Variants in PIR observed in about 807,000 individuals in gnomAD.
PIR encodes pirin (iron-binding nuclear protein).
Under a neutral mutation model 24.2 loss-of-function variants are expected in PIR, and 22 were observed. The ratio of observed to expected loss-of-function variants is 0.91; its 90% CI spans 0.65 to 1.30. The LOEUF (loss-of-function observed/expected upper bound fraction) is 1.30, where lower values mean the gene tolerates loss of function less well. PIR is among the 50% of genes most tolerant of loss of function. PIR has a pLI of 0.00. For missense variants in PIR, 220 were observed against 220.3 expected (o/e 1.00, Z 0.01); for synonymous variants, 80 against 79.6 (o/e 1.00, Z -0.03).
At chrX:15,434,716 T>TG (rs1232791658) in intron 5 of PIR, among the ~76,000 whole-genome samples, 5 of 106,487 alleles carry the variant, frequency 4.7e-5, no homozygotes, top group African/African-American at 1.0e-4. Flanking sequence ...AGAGGTTTGT[T>TG]TTTTTTTTTT....
intron 5 of PIR, among the ~76,000 whole-genome samples, chrX:15,429,006 G>A (rs991686335): frequency 2.7e-5 from 3 of 111,976 alleles, no homozygotes; most frequent in African/African-American, 9.7e-5. Flanking sequence ...TAGAGCTAAA[G>A]AGAAGTGAGA....
At chrX:15,464,739 G>C (rs1431500364) in intron 3 of PIR, among the ~76,000 whole-genome samples, 1 of 112,441 alleles carries the variant, frequency 8.9e-6, no homozygotes. Context: ...ACTATAAGGA[G>C]TGGTGTCTAG....
chrX:15,450,140 C>T (rs1453563225), intron 5 of PIR, among the ~76,000 whole-genome samples: 2 of 111,754 alleles, frequency 1.8e-5, no homozygotes, highest in Non-Finnish European at 1.9e-5. Flanking sequence ...TCCCTGCTAC[C>T]CTCACCCCAA....
At chrX:15,456,156 T>C in intron 4 of PIR, 102 bp from the exon 5 acceptor site, 1 of 678,154 alleles carries the variant, frequency 1.5e-6, no homozygotes, top group Non-Finnish European at 2.3e-6. Flanking sequence ...ATCTTACCAG[T>C]GCTGCTATCA....
chrX:15,438,966 G>A (rs1925832763), intron 5 of PIR, among the ~76,000 whole-genome samples: 1 of 111,757 alleles, frequency 8.9e-6, no homozygotes, highest in South Asian at 3.7e-4. Context: ...GACCAAAGAG[G>A]AATGGAAGAT....
chrX:15,434,741 G>A (rs1439619424), intron 5 of PIR, among the ~76,000 whole-genome samples: 1 of 108,492 alleles, frequency 9.2e-6, no homozygotes, highest in Admixed American at 9.9e-5. Context: ...ATAAAGTAAG[G>A]TTATTATCTC....
chrX:15,394,560 T>A (rs1445746520), intron 8 of PIR, among the ~76,000 whole-genome samples: 1 of 111,496 alleles, frequency 9.0e-6, no homozygotes, highest in Non-Finnish European at 1.9e-5. Flanking sequence ...CTCAATAGTA[T>A]ACCACTATAA....
chrX:15,442,360 A>G (rs974227593), intron 5 of PIR, among the ~76,000 whole-genome samples: 2 of 111,381 alleles, frequency 1.8e-5, no homozygotes, highest in Non-Finnish European at 3.8e-5. Context: ...GCCGTTCTCC[A>G]TCTCTCTCCC....
chrX:15,433,737 G>A (rs1602266189), intron 5 of PIR, among the ~76,000 whole-genome samples: 1 of 18,610 alleles, frequency 5.4e-5, no homozygotes, highest in African/African-American at 2.3e-4. Context: ...GAGAAAGAAG[G>A]AGGAGGAGGA....
chrX:15,432,024 T>C (rs888031917), intron 5 of PIR, among the ~76,000 whole-genome samples: 1 of 110,667 alleles, frequency 9.0e-6, no homozygotes, highest in African/African-American at 3.3e-5. Flanking sequence ...ATTATTATTA[T>C]TAATTTTAAA....
intron 9 of PIR, among the ~76,000 whole-genome samples, chrX:15,386,036 G>C (rs1923737660): frequency 8.9e-6 from 1 of 111,794 alleles, no homozygotes; most frequent in African/African-American, 3.3e-5. Context: ...TCTGCTAGAT[G>C]AACAAGGCCA....
intron 2 of PIR, among the ~76,000 whole-genome samples, chrX:15,490,210 T>TA (rs887583366): frequency 1.8e-5 from 2 of 111,751 alleles, no homozygotes; most frequent in African/African-American, 6.5e-5. Flanking sequence ...AAAACATAAC[T>TA]AAAAAAATTG....
chrX:15,458,208 T>A (rs1204313575), intron 4 of PIR, among the ~76,000 whole-genome samples: 1 of 112,138 alleles, frequency 8.9e-6, no homozygotes, highest in Non-Finnish European at 1.9e-5. Flanking sequence ...AAATGGCCTA[T>A]ATATTGGATC....
intron 3 of PIR, among the ~76,000 whole-genome samples, chrX:15,469,832 C>A (rs948745119): frequency 9.0e-6 from 1 of 111,245 alleles, no homozygotes; most frequent in African/African-American, 3.3e-5. Context: ...CCTCATTATA[C>A]TGGAAGTTCA....
chrX:15,475,982 T>C lies in PIR; in HGVS notation c.189+3747A>G, dbSNP rs182054743. Among the ~76,000 whole-genome samples, 4 of 112,399 alleles carry C rather than the reference T, an allele frequency of 3.6e-5. No homozygotes were observed. The East Asian group carries it at 1.1e-3, about 31-fold the overall frequency. On this transcript the variant is annotated intron_variant, in intron 3 of 9. Coordinates refer to ENST00000380420, the MANE Select transcript of PIR (RefSeq NM_001018109.3). ...GTTAAGTTTAAAAATGGCTTAGCCA[T>C]TAACCCAGTAAAATTGGGTTCTCTC... is the stretch of plus-strand genomic sequence containing the variant.
intron 5 of PIR, chrX:15,429,834 C>A (rs968445261): frequency 1.9e-5 from 2 of 106,815 alleles, no homozygotes; most frequent in Admixed American, 1.0e-4. Context: ...CCAGCCTGGG[C>A]GGAAGAGCGA....
chrX:15,419,407 GGGGA>G (rs1325457045), intron 6 of PIR, among the ~76,000 whole-genome samples: 1 of 102,118 alleles, frequency 9.8e-6, no homozygotes, highest in African/African-American at 4.1e-5. Flanking sequence ...GAGAGAGATA[GGGGA>G]GGGAGAGAGA....
intron 2 of PIR, among the ~76,000 whole-genome samples, chrX:15,490,734 G>A (rs1038839870): frequency 4.5e-5 from 5 of 111,950 alleles, no homozygotes; most frequent in Non-Finnish European, 9.4e-5. Flanking sequence ...CAGCAGTGGA[G>A]GCCTGATCTA....
Position 15,391,109 on chromosome X carries a change from T to A in PIR, c.694-858A>T, listed in dbSNP as rs1214179166. Reference sequence around the variant, plus strand: ...GTGAGGGGTTGGTTAAATAATTATATGTTTATAAGAAAAACTATCAAGTGG... The same window carrying A: ...GTGAGGGGTTGGTTAAATAATTATAAGTTTATAAGAAAAACTATCAAGTGG... On this transcript the variant is annotated intron_variant, in intron 8 of 9. Transcript: ENST00000380420. Among the ~76,000 whole-genome samples, 3 of 112,189 alleles carry A rather than the reference T, an allele frequency of 2.7e-5. No homozygotes were observed. The Admixed American group carries it at 2.9e-4, about 11-fold the overall frequency.
Sources: allele counts gnomAD v4.1 joint callset (sites outside exome capture counted in the v4.1 genomes callset), GRCh38; gene constraint gnomAD v4.1.1; transcripts MANE v1.5; gene names NCBI Gene and HGNC (gene_info 2026-07-23, HGNC 2026-07-21).